Variants in TMEM132D observed in about 807,000 individuals in gnomAD.
The protein encoded by TMEM132D is transmembrane protein 132D.
TMEM132D carries 21 observed loss-of-function variants against 62.3 expected under a neutral mutation model. That is an observed-to-expected ratio of 0.34 (90% CI 0.24 to 0.49). The LOEUF is 0.49. Ranked by LOEUF, TMEM132D falls within the 20% of genes least tolerant of loss-of-function variation. The pLI is 0.99. For synonymous variants in TMEM132D, 621 were observed against 575.6 expected (o/e 1.08, Z -1.13); for missense variants, 1,346 against 1,402.8 (o/e 0.96, Z 0.65).
intron 3 of TMEM132D, among the ~76,000 whole-genome samples, chr12:129,404,555 GTACA>G (rs555753950): frequency 2.5e-4 from 38 of 152,322 alleles, no homozygotes; most frequent in Non-Finnish European, 4.3e-4. Context: ...TCTGCAGGCT[GTACA>G]AACAGCATAG....
intron 5 of TMEM132D, among the ~76,000 whole-genome samples, chr12:129,089,077 G>A (rs1214068380): frequency 2.0e-5 from 1 of 50,164 alleles, no homozygotes; most frequent in Non-Finnish European, 3.2e-5. Context: ...CTCTATGACC[G>A]GGATGTCCTC....
chr12:129,317,249 T>C (rs1382125275), intron 4 of TMEM132D, among the ~76,000 whole-genome samples: 2 of 152,256 alleles, frequency 1.3e-5, no homozygotes, highest in Admixed American at 1.3e-4. Flanking sequence ...GTGTGATTTA[T>C]GCTTTAAAGA....
intron 4 of TMEM132D, among the ~76,000 whole-genome samples, chr12:129,300,240 C>T (rs1175052232): frequency 1.3e-5 from 2 of 152,102 alleles, no homozygotes; most frequent in East Asian, 1.9e-4. Context: ...GACCAACACT[C>T]AGAGAAGTGA....
chr12:129,572,987 G>A (rs1434314047), intron 2 of TMEM132D, among the ~76,000 whole-genome samples: 1 of 152,156 alleles, frequency 6.6e-6, no homozygotes, highest in African/African-American at 2.4e-5. Flanking sequence ...TGTAGGTAAC[G>A]AAGGGTTAGA....
chr12:129,260,659 C>T (rs761913044), intron 4 of TMEM132D, among the ~76,000 whole-genome samples: 1 of 152,172 alleles, frequency 6.6e-6, no homozygotes, highest in African/African-American at 2.4e-5. Flanking sequence ...TTGTCTCTCA[C>T]CCCACTCTCA....
At chr12:129,649,017 T>G (rs1037319468) in intron 2 of TMEM132D, among the ~76,000 whole-genome samples, 1 of 152,206 alleles carries the variant, frequency 6.6e-6, no homozygotes, top group South Asian at 2.1e-4. Flanking sequence ...GGCAGGATGC[T>G]GGGTGCTTTT....
intron 5 of TMEM132D, among the ~76,000 whole-genome samples, chr12:129,155,430 T>A (rs1877209230): frequency 6.6e-6 from 1 of 152,250 alleles, no homozygotes; most frequent in African/African-American, 2.4e-5. Context: ...GTGAATATTG[T>A]CATGACTTTA....
At chr12:129,896,147 TTTG>T (rs961623043) in intron 1 of TMEM132D, among the ~76,000 whole-genome samples, 9 of 151,478 alleles carry the variant, frequency 5.9e-5, no homozygotes, top group Admixed American at 3.3e-4. Flanking sequence ...TTTTTTTTGT[TTTG>T]TTTTGTTTTG....
At chr12:129,112,433 G>A (rs529825737) in intron 5 of TMEM132D, among the ~76,000 whole-genome samples, 8 of 152,182 alleles carry the variant, frequency 5.3e-5, no homozygotes, top group South Asian at 2.1e-4. Flanking sequence ...AGGCCAAGGC[G>A]GACGGATCAT....
chr12:129,389,870 C>T (rs1305769322), intron 3 of TMEM132D, among the ~76,000 whole-genome samples: 1 of 152,148 alleles, frequency 6.6e-6, no homozygotes, highest in Non-Finnish European at 1.5e-5. Flanking sequence ...AATAGCTGAC[C>T]AGGAGAGGAG....
chr12:129,331,610 G>C (rs546454643), intron 4 of TMEM132D, among the ~76,000 whole-genome samples: 1 of 152,118 alleles, frequency 6.6e-6, no homozygotes, highest in African/African-American at 2.4e-5. Flanking sequence ...CACTTACAAC[G>C]GTAACCACAA....
intron 2 of TMEM132D, among the ~76,000 whole-genome samples, chr12:129,581,934 T>C (rs1034165554): frequency 1.3e-5 from 2 of 152,184 alleles, no homozygotes; most frequent in African/African-American, 4.8e-5. Flanking sequence ...CAGACTTCGT[T>C]TGAACATGAT....
At chr12:129,705,398 A>G (rs1881479505) in intron 1 of TMEM132D, among the ~76,000 whole-genome samples, 1 of 152,220 alleles carries the variant, frequency 6.6e-6, no homozygotes, top group South Asian at 2.1e-4. Flanking sequence ...TTTAGTTAAA[A>G]GTAAAATTTT....
At chr12:129,363,278 C>T (rs971661296) in intron 3 of TMEM132D, among the ~76,000 whole-genome samples, 1 of 152,238 alleles carries the variant, frequency 6.6e-6, no homozygotes, top group Non-Finnish European at 1.5e-5. Context: ...CTGCACCTGA[C>T]AGCTAAATTG....
intron 2 of TMEM132D, among the ~76,000 whole-genome samples, chr12:129,578,721 C>A (rs1437521412): frequency 1.3e-5 from 2 of 152,082 alleles, no homozygotes; most frequent in East Asian, 1.9e-4. Flanking sequence ...TGGGCTGGGT[C>A]TGAAGGTCTG....
At chr12:129,711,699 C>A (rs1344926283) in intron 1 of TMEM132D, among the ~76,000 whole-genome samples, 8 of 145,754 alleles carry the variant, frequency 5.5e-5, no homozygotes, top group South Asian at 4.3e-4. Flanking sequence ...TGCACTCCAG[C>A]CTTGGCAACA....
chr12:129,152,094 C>T (rs1362020538), intron 5 of TMEM132D, among the ~76,000 whole-genome samples: 2 of 152,144 alleles, frequency 1.3e-5, no homozygotes, highest in East Asian at 3.9e-4. Context: ...GCCAGATGGT[C>T]TCGATCTCTT....
At chr12:129,886,950 G>C (rs1874767727) in intron 1 of TMEM132D, among the ~76,000 whole-genome samples, 1 of 152,144 alleles carries the variant, frequency 6.6e-6, no homozygotes, top group African/African-American at 2.4e-5. Context: ...CACCATGATT[G>C]TAAGTTTCCT....
intron 5 of TMEM132D, among the ~76,000 whole-genome samples, chr12:129,194,857 A>G (rs1293802243): frequency 1.3e-5 from 2 of 152,146 alleles, no homozygotes; most frequent in Non-Finnish European, 2.9e-5. Context: ...CCTCCCCATG[A>G]TAACCAGAAT....
Sources: allele counts gnomAD v4.1 joint callset (sites outside exome capture counted in the v4.1 genomes callset), GRCh38; gene constraint gnomAD v4.1.1; transcripts MANE v1.5; gene names NCBI Gene and HGNC (gene_info 2026-07-23, HGNC 2026-07-21).